Variants in FAM162A observed in about 807,000 individuals in gnomAD.
FAM162A encodes family with sequence similarity 162 member A, also known as protein FAM162A.
In FAM162A, 23 loss-of-function variants were observed where a neutral mutation model predicts 21.8. The observed-to-expected ratio is 1.05, with a 90% CI of 0.76 to 1.49. The LOEUF (loss-of-function observed/expected upper bound fraction) is 1.49. FAM162A is among the 40% of genes most tolerant of loss of function. The probability of loss-of-function intolerance (pLI) is 0.00; values close to 1 mark genes in which losing one functional copy is unlikely to be tolerated. For missense variants in FAM162A, 165 were observed against 186.4 expected, an observed-to-expected ratio of 0.89 and a Z score of 0.67; for synonymous variants, 53 against 61.3, an observed-to-expected ratio of 0.86 and a Z score of 0.64.
rs541160616 is a variant in FAM162A at position 122,410,532 on chromosome 3, T to C, written c.*701T>C. On this transcript the variant is annotated 3_prime_UTR_variant, in exon 5 of 5. Coordinates refer to ENST00000477892, the MANE Select transcript of FAM162A (RefSeq NM_014367.4). Reference sequence around the variant, plus strand: ...TCAATTATAAAAATCTCATGTATTATTACTGTTAGAAGTATTTGCACCTCA... The same window carrying C: ...TCAATTATAAAAATCTCATGTATTACTACTGTTAGAAGTATTTGCACCTCA... 1.0e-3 allele frequency: 160 copies of C among 152,826 alleles called. 1 individual carries two copies. The highest frequency in any genetic ancestry group is 1.6e-3 in the Admixed American group (24 of 15,344). The allele number at this position is 152,826 out of a possible 1,614,324, so 9.5% of individuals were successfully genotyped here.
chr3:122,409,584 T>C (rs2075694067), intron 4 of FAM162A, among the ~76,000 whole-genome samples, 155 bp from the exon 5 acceptor site: 1 of 152,066 alleles, frequency 6.6e-6, no homozygotes, highest in African/African-American at 2.4e-5. Flanking sequence ...TACGAGGAAG[T>C]TGAAGCACAT....
intron 1 of FAM162A, among the ~76,000 whole-genome samples, chr3:122,384,573 G>A (rs1214025883): frequency 6.6e-6 from 1 of 151,414 alleles, no homozygotes; most frequent in Non-Finnish European, 1.5e-5. Flanking sequence ...CCCCACCCCC[G>A]TCCTCAGCCT....
intron 1 of FAM162A, among the ~76,000 whole-genome samples, chr3:122,395,918 A>G (rs1440611387): frequency 1.3e-5 from 2 of 152,202 alleles, no homozygotes; most frequent in East Asian, 3.8e-4. Context: ...GATTTTCTAT[A>G]TGGCGCTAAA....
intron 2 of FAM162A, among the ~76,000 whole-genome samples, chr3:122,403,494 C>T (rs996973848): frequency 6.6e-6 from 1 of 152,222 alleles, no homozygotes; most frequent in Non-Finnish European, 1.5e-5. Flanking sequence ...AGGGCCTTCT[C>T]CTTATCACCC....
intron 3 of FAM162A, among the ~76,000 whole-genome samples, chr3:122,405,976 T>C (rs369362029): frequency 2.6e-5 from 4 of 152,314 alleles, no homozygotes; most frequent in Non-Finnish European, 1.5e-5. Flanking sequence ...GTCCACATGC[T>C]GCCTCACAGG....
At position 122,384,189 on chromosome 3, in the gene FAM162A, C is replaced by A. The variant is rs1040780246; in HGVS notation, c.-77C>A. Reference sequence around the variant, plus strand: ...GCCGCCTGCGTCCTTCCCACTCCAACGCTGGGTGACATTGAGCTCACCAGC... The same window carrying A: ...GCCGCCTGCGTCCTTCCCACTCCAAAGCTGGGTGACATTGAGCTCACCAGC... On this transcript the variant is annotated 5_prime_UTR_variant, in exon 1 of 5. Coordinates refer to ENST00000477892, the MANE Select transcript of FAM162A (RefSeq NM_014367.4). 7 of 1,539,420 alleles carry A rather than the reference C, an allele frequency of 4.5e-6. No homozygotes were observed. The highest frequency in any genetic ancestry group is 6.2e-6 in the Non-Finnish European group (7 of 1,138,090).
intron 1 of FAM162A, among the ~76,000 whole-genome samples, chr3:122,394,200 A>G (rs1315912896): frequency 6.6e-6 from 1 of 152,074 alleles, no homozygotes; most frequent in Non-Finnish European, 1.5e-5. Flanking sequence ...GTGCTAAACT[A>G]TTCATGAGAA....
At chr3:122,398,043 A>G (rs760149205) in intron 1 of FAM162A, among the ~76,000 whole-genome samples, 1 of 152,208 alleles carries the variant, frequency 6.6e-6, no homozygotes, top group African/African-American at 2.4e-5. Flanking sequence ...AAGGGTTCCC[A>G]ATGGGATTAA....
At chr3:122,384,322 G>T in intron 1 of FAM162A, 23 bp downstream of exon 1, 1 of 1,567,858 alleles carries the variant, frequency 6.4e-7, no homozygotes, top group Non-Finnish European at 8.6e-7. Context: ...TCGGGATATG[G>T]GAGGTAGGGG....
At chr3:122,402,454 C>T (rs1450637123) in intron 1 of FAM162A, among the ~76,000 whole-genome samples, 2 of 152,002 alleles carry the variant, frequency 1.3e-5, no homozygotes, top group African/African-American at 4.8e-5. Flanking sequence ...TGCCATAATA[C>T]ATAATATTGC....
At chr3:122,385,408 GT>G (rs1221534543) in intron 1 of FAM162A, among the ~76,000 whole-genome samples, 13 of 152,158 alleles carry the variant, frequency 8.5e-5, no homozygotes, top group African/African-American at 2.9e-4. Context: ...TGTCAGTTTT[GT>G]TGAACTAATT....
chr3:122,394,103 C>G (rs1351842641), intron 1 of FAM162A, among the ~76,000 whole-genome samples: 1 of 152,104 alleles, frequency 6.6e-6, no homozygotes. Context: ...AGAGCAAGAG[C>G]AAGAGAGATC....
Position 122,396,347 on chromosome 3 carries a change from A to G in FAM162A, c.35-6413A>G, listed in dbSNP as rs577610748. ...TAAAAAAAAATAGGCAGAGGACCTA[A>G]ATAGATGTTTCTCCAGAGAAGATAT... On this transcript the variant is annotated intron_variant, in intron 1 of 4. Transcript: ENST00000477892. 2.6e-5 allele frequency among the ~76,000 whole-genome samples: 4 copies of G among 152,308 alleles called. No individual in the cohort carries two copies. The South Asian group carries it at 8.3e-4, about 32-fold the overall frequency.
At chr3:122,387,872 G>A (rs1334136173) in intron 1 of FAM162A, among the ~76,000 whole-genome samples, 2 of 152,122 alleles carry the variant, frequency 1.3e-5, no homozygotes, top group East Asian at 1.9e-4. Context: ...GGGTGTGAGA[G>A]TGATGTGAGC....
chr3:122,403,789 A>G (rs533077168), intron 2 of FAM162A, among the ~76,000 whole-genome samples: 1 of 152,280 alleles, frequency 6.6e-6, no homozygotes, highest in South Asian at 2.1e-4. Context: ...CCACTGCGAC[A>G]ACTCTGGTTC....
intron 1 of FAM162A, among the ~76,000 whole-genome samples, chr3:122,393,848 T>C (rs147481886): frequency 1.3e-5 from 2 of 152,320 alleles, no homozygotes; most frequent in Non-Finnish European, 2.9e-5. Flanking sequence ...GAGAGGTCTC[T>C]AAGCTCTCAC....
chr3:122,391,037 T>C (rs2075602191), intron 1 of FAM162A, among the ~76,000 whole-genome samples: 1 of 152,216 alleles, frequency 6.6e-6, no homozygotes, highest in Non-Finnish European at 1.5e-5. Flanking sequence ...GGACGTCTGG[T>C]CAATATATTC....
intron 1 of FAM162A, among the ~76,000 whole-genome samples, chr3:122,395,152 A>G (rs924554222): frequency 6.6e-6 from 1 of 152,236 alleles, no homozygotes; most frequent in Non-Finnish European, 1.5e-5. Context: ...AAAAACCCAC[A>G]ACTAACATCG....
At position 122,396,349 on chromosome 3, in the gene FAM162A, T is replaced by C. The variant is rs543451118; in HGVS notation, c.35-6411T>C. 2.6e-5 allele frequency among the ~76,000 whole-genome samples: 4 copies of C among 152,162 alleles called. No individual in the cohort carries two copies. In the East Asian group the frequency reaches 5.8e-4, roughly 22 times the overall value. Reference sequence around the variant, plus strand: ...AAAAAAAATAGGCAGAGGACCTAAATAGATGTTTCTCCAGAGAAGATATGC... The same window carrying C: ...AAAAAAAATAGGCAGAGGACCTAAACAGATGTTTCTCCAGAGAAGATATGC... On this transcript the variant is annotated intron_variant, in intron 1 of 4. Transcript: ENST00000477892.
Sources: allele counts gnomAD v4.1 joint callset (sites outside exome capture counted in the v4.1 genomes callset), GRCh38; gene constraint gnomAD v4.1.1; transcripts MANE v1.5; gene names NCBI Gene and HGNC (gene_info 2026-07-23, HGNC 2026-07-21).